PINK1: variants seen among roughly 807,000 people sequenced by gnomAD.
The protein encoded by PINK1 is serine/threonine-protein kinase PINK1, mitochondrial.
Under a neutral mutation model 56.0 loss-of-function variants are expected in PINK1, and 58 were observed. The observed-to-expected ratio is 1.04, with a 90% CI of 0.84 to 1.29. The LOEUF is 1.29. Ranked by LOEUF, PINK1 falls within the 50% of genes most tolerant of loss-of-function variation. PINK1 has a pLI of 0.00. For synonymous variants in PINK1, 354 were observed against 339.3 expected, an observed-to-expected ratio of 1.04 and a Z score of -0.48; for missense variants, 745 against 777.9, an observed-to-expected ratio of 0.96 and a Z score of 0.50.
Position 20,650,464 on chromosome 1 carries a change from C to T in PINK1, c.1519C>T (p.Leu507Phe). Residue 507 changes from leucine (L) to phenylalanine (F), a missense_variant, in exon 8 of 8, where the codon CTT becomes TTT. Transcript: ENST00000321556. ...RPSARVAANV[L>F]HLSLWGEHIL... ...ATCTGCCCGAGTAGCCGCAAATGTG[C>T]TTCATCTAAGCCTCTGGGGTGAACA... The T allele has an allele frequency of 1.9e-6, 3 of 1,614,084 alleles. No individual in the cohort carries two copies. The highest frequency in any genetic ancestry group is 2.5e-6 in the Non-Finnish European group (3 of 1,179,942).
chr1:20,633,888 A>G lies in PINK1; in HGVS notation c.340A>G (p.Lys114Glu), dbSNP rs1421454894. 2 of 1,583,600 alleles carry G rather than the reference A, an allele frequency of 1.3e-6. No individual in the cohort carries two copies. Among genetic ancestry groups the G allele is most frequent in the African/African-American group, 1.3e-5 (1 of 74,312 alleles). Reference sequence around the variant, plus strand: ...GCTAGGGCTGGGCCTCATCGAGGAAAAACAGGCGGAGAGCCGGCGGGCGGT... The same window carrying G: ...GCTAGGGCTGGGCCTCATCGAGGAAGAACAGGCGGAGAGCCGGCGGGCGGT... The part of the protein sequence containing the change: ...FGLGLGLIEE[K>E]QAESRRAVSA... The change falls in exon 1 of 8, where the codon AAA (lysine) becomes GAA (glutamate). Residue 114 changes from lysine (K) to glutamate (E), a missense_variant. Physicochemically the swap from Lys to Glu is moderately conservative, Grantham distance 56 (BLOSUM62 1). Coordinates refer to ENST00000321556, the MANE Select transcript of PINK1 (RefSeq NM_032409.3).
At position 20,644,736 on chromosome 1, in the gene PINK1, C is replaced by A. The variant is rs2053157211; in HGVS notation, c.959+64C>A. 8 of 1,580,690 alleles carry A rather than the reference C, an allele frequency of 5.1e-6. No individual in the cohort carries two copies. In the Admixed American group the frequency reaches 1.4e-4, roughly 27 times the overall value. ...ATCTCCCAAGGGGAGCTGGTTCCTG[C>A]CCTCCATGTGCACCTTGATCAGGGG... On this transcript the variant is annotated intron_variant, in intron 4 of 7. Transcript: ENST00000321556.
At chr1:20,644,448 T>G in intron 3 of PINK1, 42 bp from the exon 4 acceptor site, 5 of 1,597,784 alleles carry the variant, frequency 3.1e-6, no homozygotes, top group Non-Finnish European at 3.4e-6. Flanking sequence ...AGGTGTTGTA[T>G]CTGATGCTGG....
chr1:20,650,817 A>G lies in PINK1; in HGVS notation c.*126A>G. 2 of 1,308,278 alleles carry G rather than the reference A, an allele frequency of 1.5e-6. No individual in the cohort carries two copies. Among genetic ancestry groups the G allele is most frequent in the Non-Finnish European group, 2.1e-6 (2 of 942,412 alleles). The allele number at this position is 1,308,278 out of a possible 1,614,324, so 81.0% of individuals were successfully genotyped here. A position where few individuals can be genotyped will look rare whatever the true frequency, so the allele number is the denominator to read the frequency against. On this transcript the variant is annotated 3_prime_UTR_variant, in exon 8 of 8. Coordinates refer to ENST00000321556, the MANE Select transcript of PINK1 (RefSeq NM_032409.3). ...GCAGAGAGGGCTGGTTAGCCGGAAAAGGCCTCGGGCTTGGCAAATGGAAGA... is the reference window on the plus strand; with the variant it reads ...GCAGAGAGGGCTGGTTAGCCGGAAAGGGCCTCGGGCTTGGCAAATGGAAGA...
chr1:20,647,053 A>ATTTTTTTTTT (rs71585775), intron 5 of PINK1, among the ~76,000 whole-genome samples: 23 of 91,478 alleles, frequency 2.5e-4, no homozygotes, highest in African/African-American at 8.5e-4. Context: ...CTAATTTTTG[A>ATTTTTTTTTT]TTTTTTTTTT....
intron 4 of PINK1, among the ~76,000 whole-genome samples, chr1:20,645,333 AC>A (rs764323136): frequency 2.0e-5 from 3 of 152,100 alleles, no homozygotes; most frequent in Non-Finnish European, 2.9e-5. Context: ...TACTAAACAT[AC>A]AAAAATTAGC....
chr1:20,646,383 C>T (rs1288364958), intron 5 of PINK1, among the ~76,000 whole-genome samples: 4 of 152,114 alleles, frequency 2.6e-5, no homozygotes, highest in African/African-American at 7.2e-5. Context: ...TAGTGGCTCA[C>T]GCCTGTAATC....
intron 1 of PINK1, among the ~76,000 whole-genome samples, chr1:20,637,578 G>A (rs911071038): frequency 1.1e-4 from 16 of 152,182 alleles, no homozygotes; most frequent in Non-Finnish European, 1.3e-4. Context: ...GCTGCGGGAC[G>A]TGGGGTTTCT....
intron 6 of PINK1, 157 bp downstream of exon 6, chr1:20,648,789 G>A (rs2053220452): frequency 6.6e-6 from 9 of 1,359,872 alleles, no homozygotes; most frequent in Admixed American, 4.0e-5. Context: ...TTCCTCCGGC[G>A]TTCCCTCATG....
At position 20,637,878 on chromosome 1, in the gene PINK1, C is replaced by G. The variant is rs771748415; in HGVS notation, c.424C>G (p.Pro142Ala). ...FTQKSKPGPD[P>A]LDTRRLQGFR... Reference sequence around the variant, plus strand: ...CCAGAAAAGCAAGCCGGGGCCTGACCCGTTGGACACGAGACGCTTGCAGGG... The same window carrying G: ...CCAGAAAAGCAAGCCGGGGCCTGACGCGTTGGACACGAGACGCTTGCAGGG... Residue 142 changes from proline to alanine, a missense_variant, in exon 2 of 8, where the codon CCG (proline) becomes GCG (alanine). Pro to Ala is a conservative substitution (Grantham distance 27, BLOSUM62 -1). Coordinates refer to ENST00000321556, the MANE Select transcript of PINK1 (RefSeq NM_032409.3). 13 of 1,614,184 alleles carry G rather than the reference C, an allele frequency of 8.1e-6. No individual in the cohort carries two copies. The highest frequency in any genetic ancestry group is 1.7e-4 in the Middle Eastern group (1 of 6,058).
Position 20,637,867 on chromosome 1 carries a change from C to T in PINK1, c.413C>T (p.Pro138Leu), listed in dbSNP as rs781745700. ...GCAATTTTTACCCAGAAAAGCAAGC[C>T]GGGGCCTGACCCGTTGGACACGAGA... ...IQAIFTQKSK[P>L]GPDPLDTRRL... The change falls in exon 2 of 8, where the codon CCG becomes CTG. Residue 138 changes from proline to leucine, a missense_variant. Physicochemically the swap from Pro to Leu is moderately conservative, Grantham distance 98. Transcript: ENST00000321556. 1.1e-5 allele frequency: 17 copies of T among 1,614,014 alleles called. No homozygotes were observed. The highest frequency in any genetic ancestry group is 2.2e-5 in the East Asian group (1 of 44,886).
Position 20,639,903 on chromosome 1 carries a change from C to T in PINK1, c.687C>T (p.Ser229=). The change falls in exon 3 of 8, where the codon TCC becomes TCT. Residue 229 remains serine, a synonymous_variant. Coordinates refer to ENST00000321556, the MANE Select transcript of PINK1 (RefSeq NM_032409.3). ...KMMWNISAGS[S]SEAILNTMSQ... ...TGTGGGTGTTCCAGGCAGGTTCCTC[C>T]AGCGAAGCCATCTTGAACACAATGA... The T allele has an allele frequency of 6.2e-7, 1 of 1,612,526 alleles. No individual in the cohort carries two copies. The highest frequency in any genetic ancestry group is 1.3e-5 in the African/African-American group (1 of 74,998).
chr1:20,633,540 G>C lies in PINK1; in HGVS notation c.-9G>C. The C allele has an allele frequency of 8.6e-7, 1 of 1,161,168 alleles. No homozygotes were observed. The highest frequency in any genetic ancestry group is 4.7e-5 in the Admixed American group (1 of 21,306). The allele number at this position is 1,161,168 out of a possible 1,614,324, so 71.9% of individuals were successfully genotyped here. On this transcript the variant is annotated 5_prime_UTR_variant, in exon 1 of 8. Coordinates refer to ENST00000321556, the MANE Select transcript of PINK1 (RefSeq NM_032409.3). Reference sequence around the variant, plus strand: ...GGCGGCTGCGGGGGCACCGGGCCGCGGCGCCACCATGGCGGTGCGACAGGC... The same window carrying C: ...GGCGGCTGCGGGGGCACCGGGCCGCCGCGCCACCATGGCGGTGCGACAGGC...
rs1349949487 is a variant in PINK1, at chr1:20,633,813, G to A, written c.265G>A (p.Ala89Thr). Reference sequence around the variant, plus strand: ...GTTGCAGCGGCAGTTCGTGGTGCGGGCCTGGGGCTGCGCGGGCCCTTGCGG... The same window carrying A: ...GTTGCAGCGGCAGTTCGTGGTGCGGACCTGGGGCTGCGCGGGCCCTTGCGG... ...ARLQRQFVVR[A>T]WGCAGPCGRA... The change falls in exon 1 of 8, where the codon GCC (alanine) becomes ACC (threonine). Residue 89 changes from alanine (A) to threonine (T), a missense_variant. Coordinates refer to ENST00000321556, the MANE Select transcript of PINK1 (RefSeq NM_032409.3). The A allele has an allele frequency of 3.8e-6, 6 of 1,576,874 alleles. No individual in the cohort carries two copies. The highest frequency in any genetic ancestry group is 1.3e-5 in the African/African-American group (1 of 74,394).
intron 5 of PINK1, among the ~76,000 whole-genome samples, chr1:20,646,098 C>T (rs1055796633): frequency 2.0e-5 from 3 of 151,848 alleles, no homozygotes; most frequent in Admixed American, 2.0e-4. Context: ...AGAGTGAGAT[C>T]CCTTCTCTAC....
intron 6 of PINK1, 101 bp downstream of exon 6, chr1:20,648,733 T>C (rs1480073348): frequency 3.9e-6 from 6 of 1,549,872 alleles, no homozygotes; most frequent in Non-Finnish European, 5.2e-6. Flanking sequence ...ACCTCCATCT[T>C]TTCTGACCCA....
chr1:20,645,730 A>T lies in PINK1; in HGVS notation c.1123+7A>T. ...CTTGTGGAGCTGGACCCAGGTAGGA[A>T]CCTGCTGCACCATCAGAGCTCTCCA... On this transcript the variant is annotated splice_region_variant and intron_variant, in intron 5 of 7. Coordinates refer to ENST00000321556, the MANE Select transcript of PINK1 (RefSeq NM_032409.3). The T allele has an allele frequency of 6.2e-7, 1 of 1,614,116 alleles. No individual in the cohort carries two copies. Among genetic ancestry groups the T allele is most frequent in the East Asian group, 2.2e-5 (1 of 44,884 alleles).
At chr1:20,636,754 C>T (rs933938394) in intron 1 of PINK1, among the ~76,000 whole-genome samples, 2 of 152,166 alleles carry the variant, frequency 1.3e-5, no homozygotes, top group South Asian at 2.1e-4. Context: ...GCTGGGTCAT[C>T]AGGGCTGGTC....
chr1:20,648,554 TGA>T lies in PINK1; in HGVS notation c.1177_1178del (p.Ser393HisfsTer37), dbSNP rs780474701. On this transcript the variant is annotated frameshift_variant, in exon 6 of 8. Transcript: ENST00000321556. LOFTEE classifies it high-confidence loss of function. ...CAGATTTTGGCTGCTGCCTGGCTGA[TGA>T]GAGCATCGGCCTGCAGTTGCCCTTC... The part of the protein sequence containing the change: ...IADFGCCLAD[E>X]SIGLQLPFSS... 6.2e-6 allele frequency: 10 copies of T among 1,614,016 alleles called. No homozygotes were observed. Among genetic ancestry groups the T allele is most frequent in the Non-Finnish European group, 1.7e-6 (2 of 1,180,014 alleles).
Sources: allele counts gnomAD v4.1 joint callset (sites outside exome capture counted in the v4.1 genomes callset), GRCh38; gene constraint gnomAD v4.1.1; transcripts MANE v1.5; gene names NCBI Gene and HGNC (gene_info 2026-07-23, HGNC 2026-07-21).